Variants in TSPOAP1 observed in about 807,000 individuals in gnomAD.
TSPOAP1 encodes peripheral-type benzodiazepine receptor-associated protein 1.
In TSPOAP1, 87 loss-of-function variants were observed where a neutral mutation model predicts 197.0. That is an observed-to-expected ratio of 0.44 (90% CI 0.37 to 0.53). The LOEUF is 0.53. Among genes scored for constraint, TSPOAP1 ranks in the 20% least tolerant of loss-of-function variants. The pLI is 0.00. For synonymous variants in TSPOAP1, 913 were observed against 998.9 expected (o/e 0.91, Z 1.62); for missense variants, 2,174 against 2,411.3 (o/e 0.90, Z 2.06).
rs1329113561 is a variant in TSPOAP1, at chr17:58,319,238, G to A, written c.1551C>T (p.Leu517=). ...QCRSQTEQFS[L]LAQELQAFRL... Reference sequence around the variant, plus strand: ...GGAAAGCCTGGAGTTCCTGTGCCAGGAGGCTGAACTGCTCGGTTTGGCTGC... The same window carrying A: ...GGAAAGCCTGGAGTTCCTGTGCCAGAAGGCTGAACTGCTCGGTTTGGCTGC... Residue 517 remains leucine (L), a synonymous_variant, in exon 13 of 32, where the codon CTC becomes CTT. Coordinates refer to ENST00000343736, the MANE Select transcript of TSPOAP1 (RefSeq NM_004758.4). 1.9e-6 allele frequency: 3 copies of A among 1,599,300 alleles called. No homozygotes were observed. The highest frequency in any genetic ancestry group is 1.1e-5 in the South Asian group (1 of 88,372).
In TSPOAP1 at chr17:58,312,233, G is replaced by A; in HGVS notation, c.2588C>T (p.Thr863Ile). ...CAGTGGGTCAGAGCTGCCCCGGCTAGTCAGGGCCTGGACAGAAATGTGAAG... is the reference window on the plus strand; with the variant it reads ...CAGTGGGTCAGAGCTGCCCCGGCTAATCAGGGCCTGGACAGAAATGTGAAG... ...GPLHISVQALTSRGSSDPLRC... is the reference protein window; with the variant it reads ...GPLHISVQALISRGSSDPLRC... Residue 863 changes from threonine to isoleucine, a missense_variant, in exon 17 of 32, where the codon ACT becomes ATT. By Grantham distance (89) the Thr-to-Ile change is moderately conservative. This residue lies in a region of TSPOAP1 where 1,933 missense variants were observed against 2,139.0 expected (regional missense o/e 0.90). Coordinates refer to ENST00000343736, the MANE Select transcript of TSPOAP1 (RefSeq NM_004758.4). 1 of 1,612,752 alleles carries A rather than the reference G, an allele frequency of 6.2e-7. No individual in the cohort carries two copies. Among genetic ancestry groups the A allele is most frequent in the East Asian group, 2.2e-5 (1 of 44,870 alleles).
At chr17:58,316,404 C>A (rs748468120) in intron 15 of TSPOAP1, 21 bp downstream of exon 15, 1 of 1,591,204 alleles carries the variant, frequency 6.3e-7, no homozygotes, top group Non-Finnish European at 8.6e-7. Flanking sequence ...GGCTAGGGGG[C>A]AGTGAGGGTG....
At chr17:58,317,075 G>A (rs1375394325) in intron 14 of TSPOAP1, among the ~76,000 whole-genome samples, 2 of 152,056 alleles carry the variant, frequency 1.3e-5, no homozygotes, top group African/African-American at 4.8e-5. Flanking sequence ...GCATGCCTGT[G>A]GTCCCAGCTA....
At position 58,328,480 on chromosome 17, in the gene TSPOAP1, A is replaced by T. The variant is rs997664633; in HGVS notation, c.-560T>A. On this transcript the variant is annotated 5_prime_UTR_variant, in exon 1 of 32. The change abolishes an upstream ATG in the 5' untranslated region. Coordinates refer to ENST00000343736, the MANE Select transcript of TSPOAP1 (RefSeq NM_004758.4). This position sits in a 1 kb window ranked among gnomAD's most constrained non-coding sequence, Gnocchi z 4.3. The stretch of plus-strand genomic sequence containing the variant: ...GTGTCAGTGTCGTGCAGCTGTGTGC[A>T]TCGGTGTCGTTGTGTGTCTGTCAGT... 1 of 157,852 alleles carries T rather than the reference A, an allele frequency of 6.3e-6. No homozygotes were observed. The highest frequency in any genetic ancestry group is 1.4e-5 in the Non-Finnish European group (1 of 71,058). The allele number at this position is 157,852 out of a possible 1,614,324, so 9.8% of individuals were successfully genotyped here. A position where few individuals can be genotyped will look rare whatever the true frequency, so the allele number is the denominator to read the frequency against.
chr17:58,316,660 A>G, intron 14 of TSPOAP1, 120 bp from the exon 15 acceptor site: 1 of 696,690 alleles, frequency 1.4e-6, no homozygotes, highest in Non-Finnish European at 2.4e-6. Flanking sequence ...GAGCACATAC[A>G]TGCTGCACAG....
At position 58,326,287 on chromosome 17, in the gene TSPOAP1, C is replaced by G; in HGVS notation, c.570+6G>C. 6.2e-7 allele frequency: 1 copy of G among 1,613,856 alleles called. No homozygotes were observed. The highest frequency in any genetic ancestry group is 8.5e-7 in the Non-Finnish European group (1 of 1,179,872). On this transcript the variant is annotated splice_donor_region_variant and intron_variant, in intron 3 of 31. Coordinates refer to ENST00000343736, the MANE Select transcript of TSPOAP1 (RefSeq NM_004758.4). The surrounding 1 kb of genome is among the most constrained non-coding windows in gnomAD (Gnocchi z 4.7). ...CAGCCTCCGCCCAGCAGCCTCCTTT[C>G]CTCACCACCCTCAGGTTCGTTTCCT...
chr17:58,312,345 A>C lies in TSPOAP1; in HGVS notation c.2476T>G (p.Cys826Gly). The C allele has an allele frequency of 6.2e-7, 1 of 1,612,354 alleles. No homozygotes were observed. The highest frequency in any genetic ancestry group is 2.2e-5 in the East Asian group (1 of 44,858). Residue 826 changes from cysteine (C) to glycine (G), a missense_variant, in exon 17 of 32, where the codon TGT (cysteine) becomes GGT (glycine). This residue lies in a region of TSPOAP1 where 1,933 missense variants were observed against 2,139.0 expected (regional missense o/e 0.90). Transcript: ENST00000343736. ...EQVELHGFHI[C>G]VNGELRQALG... ...GCCTGTCGCAGCTCCCCATTCACAC[A>C]GATATGGAAGCCGTGTAGCTCCACT...
In TSPOAP1 at chr17:58,307,725, C is replaced by T; in HGVS notation, c.4869G>A (p.Gln1623=). 2 of 1,614,180 alleles carry T rather than the reference C, an allele frequency of 1.2e-6. No homozygotes were observed. The highest frequency in any genetic ancestry group is 1.7e-6 in the Non-Finnish European group (2 of 1,180,032). Reference sequence around the variant, plus strand: ...CCACAAAGATCCTGACGGGTAGGTGCTGGTAAGCCAGTGTTTCTGAGGGGC... The same window carrying T: ...CCACAAAGATCCTGACGGGTAGGTGTTGGTAAGCCAGTGTTTCTGAGGGGC... The part of the protein sequence containing the change: ...ARSPSETLAY[Q]HLPVRIFVAL... Residue 1623 remains glutamine, a synonymous_variant, in exon 24 of 32, where the codon CAG becomes CAA. Transcript: ENST00000343736.
In TSPOAP1 at chr17:58,310,652, C is replaced by T. The variant is rs781156737; in HGVS notation, c.3559G>A (p.Ala1187Thr). ...GCAGTCCACTCGGCCTCCTGCTTGGCCAGTGAGGGAGCTGCGGGGCCAGGG... is the reference window on the plus strand; with the variant it reads ...GCAGTCCACTCGGCCTCCTGCTTGGTCAGTGAGGGAGCTGCGGGGCCAGGG... Reference protein sequence around the residue: ...KDPGPAAPSLAKQEAEWTAGE... With the variant: ...KDPGPAAPSLTKQEAEWTAGE... Residue 1187 changes from alanine to threonine, a missense_variant, in exon 20 of 32, where the codon GCC (alanine) becomes ACC (threonine). Ala to Thr is a moderately conservative substitution (Grantham distance 58, BLOSUM62 0). Transcript: ENST00000343736. 1 of 1,612,932 alleles carries T rather than the reference C, an allele frequency of 6.2e-7. No individual in the cohort carries two copies. The highest frequency in any genetic ancestry group is 2.2e-5 in the East Asian group (1 of 44,858).
In TSPOAP1 at chr17:58,310,036, C is replaced by CTCCTCTTCCTCCTCCTCCTCCTCCTCT. The variant is rs1971031129; in HGVS notation, c.3795_3821dup (p.Glu1266_Glu1274dup). 6.2e-7 allele frequency: 1 copy of CTCCTCTTCCTCCTCCTCCTCCTCCTCT among 1,613,706 alleles called. No homozygotes were observed. The highest frequency in any genetic ancestry group is 1.1e-5 in the South Asian group (1 of 91,078). The stretch of plus-strand genomic sequence containing the variant: ...GGAAGGAGCAAGTCCTGGAACCCAG[C>CTCCTCTTCCTCCTCCTCCTCCTCCTCT]TCCTCTTCCTCCTCCTCCTCCTCCT... On this transcript the variant is annotated inframe_insertion, in exon 21 of 32. Coordinates refer to ENST00000343736, the MANE Select transcript of TSPOAP1 (RefSeq NM_004758.4).
intron 10 of TSPOAP1, among the ~76,000 whole-genome samples, chr17:58,321,390 C>T (rs774790414): frequency 2.0e-5 from 3 of 151,972 alleles, no homozygotes; most frequent in Admixed American, 6.6e-5. Context: ...CTCTGCCTCC[C>T]GGGTTCAAAC....
rs1369944008 is a variant in TSPOAP1, at chr17:58,322,189, T to C, written c.1422+119A>G. ...TGACTGCTCAGGGACCTGGTCTTTGTTCCCCACAGTCTCCCCGACGCCTAG... is the reference window on the plus strand; with the variant it reads ...TGACTGCTCAGGGACCTGGTCTTTGCTCCCCACAGTCTCCCCGACGCCTAG... On this transcript the variant is annotated intron_variant, in intron 10 of 31. Coordinates refer to ENST00000343736, the MANE Select transcript of TSPOAP1 (RefSeq NM_004758.4). The surrounding 1 kb of genome is among the most constrained non-coding windows in gnomAD (Gnocchi z 5.0). 7 of 1,011,474 alleles carry C rather than the reference T, an allele frequency of 6.9e-6. No individual in the cohort carries two copies. The highest frequency in any genetic ancestry group is 1.6e-5 in the African/African-American group (1 of 62,378). 62.7% of individuals were successfully genotyped at this position (1,011,474 alleles called of 1,614,324 possible).
chr17:58,302,918 C>T (rs1970759487), intron 31 of TSPOAP1: 1 of 152,984 alleles, frequency 6.5e-6, no homozygotes, highest in African/African-American at 2.4e-5. Context: ...GAGCGTCTCC[C>T]CAAACCCAGC....
rs1334900396 is a variant in TSPOAP1 at position 58,320,547 on chromosome 17, G to A, written c.1457C>T (p.Ala486Val). 3 of 1,500,548 alleles carry A rather than the reference G, an allele frequency of 2.0e-6. No homozygotes were observed. In the African/African-American group the frequency reaches 4.2e-5, roughly 21 times the overall value. The allele number at this position is 1,500,548 out of a possible 1,614,324, so 93.0% of individuals were successfully genotyped here. ...GCGCCCTACCTCCAGCAGCTGCACG[G>A]CTCCTTCATGTTCCCTCTGGGCTTC... Reference protein sequence around the residue: ...QAEAQREHEGAVQLLESTLDS... With the variant: ...QAEAQREHEGVVQLLESTLDS... The change falls in exon 11 of 32, where the codon GCC becomes GTC. Residue 486 changes from alanine to valine, a missense_variant. Transcript: ENST00000343736.
rs1970953583 is a variant in TSPOAP1, at chr17:58,307,933, C to T, written c.4740G>A (p.Glu1580=). The T allele has an allele frequency of 6.2e-7, 1 of 1,611,474 alleles. No homozygotes were observed. Among genetic ancestry groups the T allele is most frequent in the Non-Finnish European group, 8.5e-7 (1 of 1,179,128 alleles). Residue 1580 remains glutamate (E), a synonymous_variant, in exon 23 of 32, where the codon GAG becomes GAA. Coordinates refer to ENST00000343736, the MANE Select transcript of TSPOAP1 (RefSeq NM_004758.4). ...RAKEPLSRAT[E]TGEARGQDGS... ...CGTCCTGCCCTCTGGCCTCTCCGGT[C>T]TCTGTTGCCTGCAAAAAGAGGGCAA...
At chr17:58,317,372 C>T (rs1213528959) in intron 14 of TSPOAP1, among the ~76,000 whole-genome samples, 3 of 152,166 alleles carry the variant, frequency 2.0e-5, no homozygotes, top group African/African-American at 4.8e-5. Context: ...CAGAACTTCC[C>T]GTCTACTTGC....
At position 58,322,256 on chromosome 17, in the gene TSPOAP1, G is replaced by A. The variant is rs1180369855; in HGVS notation, c.1422+52C>T. On this transcript the variant is annotated intron_variant, in intron 10 of 31. Coordinates refer to ENST00000343736, the MANE Select transcript of TSPOAP1 (RefSeq NM_004758.4). The surrounding 1 kb of genome is among the most constrained non-coding windows in gnomAD (Gnocchi z 5.0). ...CAGTAAATGCTTGTGGAATGAGTGA[G>A]TGGCAAAGCTGGTGTCCAGCAGCCT... is the stretch of plus-strand genomic sequence containing the variant. 8.4e-6 allele frequency: 13 copies of A among 1,549,674 alleles called. No homozygotes were observed. Among genetic ancestry groups the A allele is most frequent in the Non-Finnish European group, 8.8e-6 (10 of 1,136,894 alleles).
At position 58,311,737 on chromosome 17, in the gene TSPOAP1, G is replaced by A. The variant is rs745889948; in HGVS notation, c.2930-15C>T. On this transcript the variant is annotated splice_polypyrimidine_tract_variant and intron_variant, in intron 17 of 31. Transcript: ENST00000343736. ...ATCAGGTGGGCCTGGGGGCAGGGGG[G>A]CACAAGACCCAGTGATGCAGGACGC... is the stretch of plus-strand genomic sequence containing the variant. The A allele has an allele frequency of 1.6e-5, 25 of 1,547,628 alleles. No individual in the cohort carries two copies. In the African/African-American group the frequency reaches 1.6e-4, roughly 10 times the overall value.
Position 58,324,098 on chromosome 17 carries a change from G to GA in TSPOAP1, c.943-554dup, listed in dbSNP as rs1567850667. Among the ~76,000 whole-genome samples the GA allele has an allele frequency of 3.3e-5, 5 of 152,146 alleles. No individual in the cohort carries two copies. Among genetic ancestry groups the GA allele is most frequent in the African/African-American group, 1.2e-4 (5 of 41,404 alleles). ...TTTGGGGGAGGACAGGTCTTGATGG[G>GA]AGGGTGCATCTCCCTTCCAGGGCCA... On this transcript the variant is annotated intron_variant, in intron 5 of 31. Coordinates refer to ENST00000343736, the MANE Select transcript of TSPOAP1 (RefSeq NM_004758.4). The surrounding 1 kb of genome is among the most constrained non-coding windows in gnomAD (Gnocchi z 5.8).
Sources: allele counts gnomAD v4.1 joint callset (sites outside exome capture counted in the v4.1 genomes callset), GRCh38; gene constraint gnomAD v4.1.1; regional missense constraint gnomAD v4.1.1; non-coding constraint Gnocchi (gnomAD v3.1); transcripts MANE v1.5; gene names NCBI Gene and HGNC (gene_info 2026-07-23, HGNC 2026-07-21).